The following EXTL3 variants were observed in gnomAD, a reference collection of about 807,000 sequenced individuals.
The protein encoded by EXTL3 is exostosin like glycosyltransferase 3, also known as exostosin-like 3.
A neutral mutation model predicts 69.3 loss-of-function variants in EXTL3; 27 were observed. That is an observed-to-expected ratio of 0.39 (90% CI 0.29 to 0.54). The LOEUF (loss-of-function observed/expected upper bound fraction) is 0.54. EXTL3 is among the 20% of genes least tolerant of loss of function. The pLI is 0.69. For missense variants in EXTL3, 1,003 were observed against 1,231.8 expected, an observed-to-expected ratio of 0.81 and a Z score of 2.78; for synonymous variants, 511 against 499.4, an observed-to-expected ratio of 1.02 and a Z score of -0.31.
chr8:28,700,579 T>C (rs921927977), upstream of EXTL3: 6 of 152,164 alleles, frequency 3.9e-5, no homozygotes, highest in African/African-American at 1.4e-4. Flanking sequence ...AGGAGCCAGC[T>C]CTACCCGGCT....
chr8:28,629,902 A>G (rs1161532178), intron 1 of EXTL3, among the ~76,000 whole-genome samples: 1 of 150,960 alleles, frequency 6.6e-6, no homozygotes, highest in African/African-American at 2.5e-5. Context: ...CAGAGATGCA[A>G]GAGAGAGAGA....
intron 3 of EXTL3, among the ~76,000 whole-genome samples, chr8:28,723,729 C>T (rs1801348768): frequency 6.6e-6 from 1 of 151,258 alleles, no homozygotes; most frequent in African/African-American, 2.4e-5. Flanking sequence ...GCAGTCTCCA[C>T]CTCCCAGGTT....
intron 2 of EXTL3, among the ~76,000 whole-genome samples, chr8:28,615,837 G>T (rs186771853): frequency 1.1e-4 from 16 of 152,098 alleles, no homozygotes; most frequent in Non-Finnish European, 2.1e-4. Context: ...GCCTCCCAAA[G>T]TGCTGGGATT....
Position 28,732,875 on chromosome 8 carries a change from C to T in EXTL3, c.2276+1525C>T, listed in dbSNP as rs907145129. On this transcript the variant is annotated intron_variant, in intron 4 of 6. Coordinates refer to ENST00000220562, the MANE Select transcript of EXTL3 (RefSeq NM_001440.4). ...AGTAGCTGGGATTACAGGTATGGAC[C>T]ACCACCATGCCAAGCTAATTTTATT... Among the ~76,000 whole-genome samples the T allele has an allele frequency of 2.0e-5, 3 of 152,080 alleles. No individual in the cohort carries two copies. In the South Asian group the frequency reaches 6.2e-4, roughly 32 times the overall value.
intron 4 of EXTL3, 62 bp downstream of exon 4, chr8:28,731,412 T>G: frequency 6.3e-7 from 1 of 1,594,754 alleles, no homozygotes; most frequent in Non-Finnish European, 8.6e-7. Context: ...TGGATTAGGC[T>G]GCAAAATGAA....
chr8:28,721,249 T>C (rs1266089166), intron 3 of EXTL3, among the ~76,000 whole-genome samples: 1 of 152,230 alleles, frequency 6.6e-6, no homozygotes, highest in Non-Finnish European at 1.5e-5. Context: ...TGAGTTCTTT[T>C]ATATGTAGCT....
chr8:28,629,590 C>A (rs1342877304), intron 1 of EXTL3, among the ~76,000 whole-genome samples: 1 of 152,014 alleles, frequency 6.6e-6, no homozygotes, highest in Admixed American at 6.6e-5. Context: ...CTGGATGGGG[C>A]CCCTCGGGAA....
upstream of EXTL3, among the ~76,000 whole-genome samples, chr8:28,621,497 G>A (rs995025642): frequency 1.9e-4 from 29 of 152,146 alleles, no homozygotes; most frequent in African/African-American, 6.5e-4. Flanking sequence ...CTAGCTTATG[G>A]CACTTTCTGA....
At position 28,754,344 on chromosome 8, in the gene EXTL3, ACTC is replaced by A. The variant is rs1802074114; in HGVS notation, c.*3482_*3484del. 1 of 151,834 alleles carries A rather than the reference ACTC, an allele frequency of 6.6e-6. No individual in the cohort carries two copies. The highest frequency in any genetic ancestry group is 6.6e-5 in the Admixed American group (1 of 15,218). 9.4% of individuals were successfully genotyped at this position (151,834 alleles called of 1,614,324 possible). On this transcript the variant is annotated 3_prime_UTR_variant, in exon 7 of 7. Transcript: ENST00000220562. Reference sequence around the variant, plus strand: ...GATGGGAAAGGGGGTAAAGGCGAGGACTCCTCTCCTGGGCTCTGCAGGTGGCAG... The same window carrying A: ...GATGGGAAAGGGGGTAAAGGCGAGGACTCTCCTGGGCTCTGCAGGTGGCAG...
intron 4 of EXTL3, among the ~76,000 whole-genome samples, chr8:28,732,859 G>A (rs368020316): frequency 8.5e-5 from 13 of 152,250 alleles, no homozygotes; most frequent in Middle Eastern, 3.4e-3. Flanking sequence ...GAGTAGCTGG[G>A]ATTACAGGTA....
intron 3 of EXTL3, among the ~76,000 whole-genome samples, chr8:28,722,369 C>T (rs978765630): frequency 1.3e-4 from 20 of 152,052 alleles, no homozygotes; most frequent in African/African-American, 3.4e-4. Flanking sequence ...GTAGCCTAGG[C>T]GAGGAGCGGT....
upstream of EXTL3, chr8:28,697,762 G>A (rs1800707481): frequency 6.7e-6 from 1 of 150,200 alleles, no homozygotes; most frequent in Non-Finnish European, 1.5e-5. Context: ...GAAGGCGGAG[G>A]TTGCAGTGAG....
chr8:28,674,243 C>CG (rs1190455776), intron 1 of EXTL3, among the ~76,000 whole-genome samples: 1 of 145,952 alleles, frequency 6.9e-6, no homozygotes, highest in African/African-American at 2.5e-5. Flanking sequence ...CTTTGCCCAG[C>CG]TTTTTTTTTT....
chr8:28,642,607 G>A (rs1487801555), intron 1 of EXTL3, among the ~76,000 whole-genome samples: 1 of 152,078 alleles, frequency 6.6e-6, no homozygotes, highest in Non-Finnish European at 1.5e-5. Flanking sequence ...GACAGAGCAA[G>A]ACCCTAGCAT....
chr8:28,643,340 C>T (rs909998426), intron 1 of EXTL3, among the ~76,000 whole-genome samples: 3 of 152,180 alleles, frequency 2.0e-5, no homozygotes, highest in Non-Finnish European at 2.9e-5. Flanking sequence ...TTGGCCCATT[C>T]TACTCCCTTT....
At chr8:28,632,417 G>A (rs1038201371) in intron 1 of EXTL3, among the ~76,000 whole-genome samples, 2 of 151,988 alleles carry the variant, frequency 1.3e-5, no homozygotes, top group Admixed American at 6.6e-5. Flanking sequence ...GAGTTATCTC[G>A]TATTTCTTGG....
chr8:28,699,035 G>A (rs144819615), upstream of EXTL3, among the ~76,000 whole-genome samples: 9 of 152,270 alleles, frequency 5.9e-5, no homozygotes, highest in East Asian at 1.7e-3. Flanking sequence ...AGGCACAGTG[G>A]AAGGGATCTA....
intron 1 of EXTL3, among the ~76,000 whole-genome samples, chr8:28,654,005 C>T (rs1051006331): frequency 3.3e-5 from 5 of 152,168 alleles, no homozygotes; most frequent in African/African-American, 4.8e-5. Flanking sequence ...ATTAAGTCTT[C>T]CAATCCATGA....
In EXTL3 at chr8:28,731,264, A is replaced by C. The variant is rs1189941139; in HGVS notation, c.2190A>C (p.Leu730Phe). 1 of 1,614,136 alleles carries C rather than the reference A, an allele frequency of 6.2e-7. No homozygotes were observed. Among genetic ancestry groups the C allele is most frequent in the Admixed American group, 1.7e-5 (1 of 60,028 alleles). ...TEKNSLNNRF[L>F]PWNEIETEAI... is the part of the protein sequence containing the mutation. ...AGAACAGTTTGAACAACCGATTCTTACCCTGGAATGAAATTGAGACAGAGG... is the reference window on the plus strand; with the variant it reads ...AGAACAGTTTGAACAACCGATTCTTCCCCTGGAATGAAATTGAGACAGAGG... The change falls in exon 4 of 7, where the codon TTA (leucine) becomes TTC (phenylalanine). Residue 730 changes from leucine (L) to phenylalanine (F), a missense_variant. Physicochemically the swap from Leu to Phe is conservative, Grantham distance 22. Transcript: ENST00000220562.
Sources: gnomAD v4.1 joint callset for allele counts (sites outside exome capture counted in the v4.1 genomes callset) on GRCh38, gnomAD v4.1.1 for gene constraint, MANE v1.5 for transcripts, NCBI Gene and HGNC (gene_info 2026-07-23, HGNC 2026-07-21) for gene names.